Variants in PIEZO2 observed in about 807,000 individuals in gnomAD.
PIEZO2 encodes the protein piezo type mechanosensitive ion channel component 2.
PIEZO2 carries 172 observed loss-of-function variants against 337.3 expected under a neutral mutation model. The ratio of observed to expected loss-of-function variants is 0.51; its 90% CI spans 0.45 to 0.58. PIEZO2 has a LOEUF of 0.58. Among genes scored for constraint, PIEZO2 ranks in the 20% least tolerant of loss-of-function variants. The pLI is 0.00. For synonymous variants in PIEZO2, 1,251 were observed against 1,228.5 expected, an observed-to-expected ratio of 1.02 and a Z score of -0.38; for missense variants, 3,028 against 3,391.3, an observed-to-expected ratio of 0.89 and a Z score of 2.66.
chr18:11,117,109 C>A (rs546966477), intron 1 of PIEZO2, among the ~76,000 whole-genome samples: 4 of 152,072 alleles, frequency 2.6e-5, no homozygotes, highest in South Asian at 4.1e-4. Context: ...CTGTCCCCCC[C>A]ACAAAAAAAT....
At chr18:10,810,727 C>T (rs1172122943) in intron 7 of PIEZO2, among the ~76,000 whole-genome samples, 2 of 152,120 alleles carry the variant, frequency 1.3e-5, no homozygotes, top group African/African-American at 4.8e-5. Flanking sequence ...TTTCTGGAGT[C>T]CCCAAATCAA....
intron 4 of PIEZO2, among the ~76,000 whole-genome samples, chr18:10,891,145 G>A (rs574081342): frequency 1.3e-5 from 2 of 152,210 alleles, no homozygotes; most frequent in East Asian, 3.9e-4. Flanking sequence ...GCAACATGGT[G>A]AAACCCTGTC....
At chr18:11,060,688 C>G (rs1436249146) in intron 2 of PIEZO2, among the ~76,000 whole-genome samples, 1 of 152,076 alleles carries the variant, frequency 6.6e-6, no homozygotes, top group South Asian at 2.1e-4. Flanking sequence ...ACACATACAC[C>G]CTCCCAAGAC....
Position 10,789,331 on chromosome 18 carries a change from C to T in PIEZO2, c.1917G>A (p.Glu639=). 2.0e-6 allele frequency: 3 copies of T among 1,537,054 alleles called. No homozygotes were observed. Among genetic ancestry groups the T allele is most frequent in the Non-Finnish European group, 2.6e-6 (3 of 1,146,836 alleles). The part of the protein sequence containing the change: ...EELQDIQVEG[E]PKEEEEEEAK... ...CTTCCTCTTCTTCCTCCTCTTTGGG[C>T]TCTCCTTCCACTTGTATATCTTGAA... The change falls in exon 15 of 56, where the codon GAG becomes GAA. Residue 639 remains glutamate (E), a synonymous_variant. Transcript: ENST00000674853.
In PIEZO2 at chr18:10,673,150, C is replaced by A. The variant is rs2033853548; in HGVS notation, c.8162-277G>T. On this transcript the variant is annotated intron_variant, in intron 54 of 55. Coordinates refer to ENST00000674853, the MANE Select transcript of PIEZO2 (RefSeq NM_001378183.1). This position sits in a 1 kb window ranked among gnomAD's most constrained non-coding sequence, Gnocchi z 4.8. ...AAAAGTAGAGGATCCACCACCTGAG[C>A]AGCTGAGCTGATAATCCCAAATGAC... Among the ~76,000 whole-genome samples the A allele has an allele frequency of 6.6e-6, 1 of 152,170 alleles. No homozygotes were observed. The highest frequency in any genetic ancestry group is 2.4e-5 in the African/African-American group (1 of 41,436).
At chr18:10,675,711 C>T (rs556174382) in intron 53 of PIEZO2, among the ~76,000 whole-genome samples, 7 of 152,078 alleles carry the variant, frequency 4.6e-5, no homozygotes, top group Non-Finnish European at 2.9e-5. Flanking sequence ...GTGTCCCCAC[C>T]CAAATCTCAT....
intron 3 of PIEZO2, among the ~76,000 whole-genome samples, chr18:10,970,807 G>A (rs958922207): frequency 6.6e-6 from 1 of 151,976 alleles, no homozygotes; most frequent in African/African-American, 2.4e-5. Flanking sequence ...GCCCTATTAC[G>A]GGATGAGATA....
rs2033318723 is a variant in PIEZO2 at position 10,952,068 on chromosome 18, T to A, written c.286+27467A>T. Among the ~76,000 whole-genome samples the A allele has an allele frequency of 6.6e-6, 1 of 152,178 alleles. No individual in the cohort carries two copies. The highest frequency in any genetic ancestry group is 2.4e-5 in the African/African-American group (1 of 41,458). On this transcript the variant is annotated intron_variant, in intron 3 of 55. Coordinates refer to ENST00000674853, the MANE Select transcript of PIEZO2 (RefSeq NM_001378183.1). This position sits in a 1 kb window ranked among gnomAD's most constrained non-coding sequence, Gnocchi z 4.1. ...TAGCTCTTGGGGAAAGTCATCATGA[T>A]CTTGAGAACCTGTGGCTGCTTAGTG...
rs2038434104 is a variant in PIEZO2 at position 10,767,936 on chromosome 18, CCA to C, written c.2946+2210_2946+2211del. Among the ~76,000 whole-genome samples, 3 of 152,216 alleles carry C rather than the reference CCA, an allele frequency of 2.0e-5. No individual in the cohort carries two copies. The highest frequency in any genetic ancestry group is 7.2e-5 in the African/African-American group (3 of 41,464). ...CCAGTTGCCAGCCCAGAGCGTGAGG[CCA>C]TCATGGGATGGCACAGGCCAAGTCA... On this transcript the variant is annotated intron_variant, in intron 21 of 55. Transcript: ENST00000674853. This position sits in a 1 kb window ranked among gnomAD's most constrained non-coding sequence, Gnocchi z 4.2.
chr18:10,898,717 G>A (rs1367564613), intron 4 of PIEZO2, among the ~76,000 whole-genome samples: 2 of 152,182 alleles, frequency 1.3e-5, no homozygotes, highest in African/African-American at 2.4e-5. Flanking sequence ...CCTTCCCAGG[G>A]AAGGGAGGGT....
chr18:10,696,031 T>A (rs534050255), intron 47 of PIEZO2, 43 bp downstream of exon 47: 23 of 1,551,438 alleles, frequency 1.5e-5, no homozygotes, highest in East Asian at 4.5e-5. Context: ...GAAACACAGT[T>A]GCATGGAGGC....
intron 1 of PIEZO2, among the ~76,000 whole-genome samples, chr18:11,140,594 G>A (rs2040614671): frequency 6.6e-6 from 1 of 152,116 alleles, no homozygotes; most frequent in Non-Finnish European, 1.5e-5. Flanking sequence ...GTCTAGCTAA[G>A]GTCTAGAAAC....
At chr18:11,041,164 T>C (rs1225358661) in intron 2 of PIEZO2, among the ~76,000 whole-genome samples, 1 of 152,222 alleles carries the variant, frequency 6.6e-6, no homozygotes, top group Non-Finnish European at 1.5e-5. Context: ...AATTAAACTG[T>C]TCTCATCACT....
intron 3 of PIEZO2, among the ~76,000 whole-genome samples, chr18:10,916,029 C>T (rs1272794409): frequency 6.6e-6 from 1 of 151,742 alleles, no homozygotes; most frequent in African/African-American, 2.4e-5. Context: ...CTGATTGGTG[C>T]ATTTACAATC....
intron 1 of PIEZO2, among the ~76,000 whole-genome samples, chr18:11,124,484 C>T (rs1371577355): frequency 1.3e-5 from 2 of 152,172 alleles, no homozygotes; most frequent in Non-Finnish European, 2.9e-5. Flanking sequence ...TGCATTCATG[C>T]ACAAATCTCC....
At position 11,101,742 on chromosome 18, in the gene PIEZO2, T is replaced by G. The variant is rs2039426254; in HGVS notation, c.65-35520A>C. ...GGTCATTTTTCTCTTAGGTTATTGT[T>G]TTTTAAAAAATGCTAGATTGATAAA... On this transcript the variant is annotated intron_variant, in intron 1 of 55. Coordinates refer to ENST00000674853, the MANE Select transcript of PIEZO2 (RefSeq NM_001378183.1). This position sits in a 1 kb window ranked among gnomAD's most constrained non-coding sequence, Gnocchi z 4.4. Among the ~76,000 whole-genome samples, 1 of 152,178 alleles carries G rather than the reference T, an allele frequency of 6.6e-6. No homozygotes were observed. The highest frequency in any genetic ancestry group is 2.4e-5 in the African/African-American group (1 of 41,438).
Position 11,016,647 on chromosome 18 carries a change from C to G in PIEZO2, c.161-36987G>C, listed in dbSNP as rs2036125351. Among the ~76,000 whole-genome samples, 1 of 152,118 alleles carries G rather than the reference C, an allele frequency of 6.6e-6. No homozygotes were observed. The highest frequency in any genetic ancestry group is 2.4e-5 in the African/African-American group (1 of 41,424). On this transcript the variant is annotated intron_variant, in intron 2 of 55. Coordinates refer to ENST00000674853, the MANE Select transcript of PIEZO2 (RefSeq NM_001378183.1). The surrounding 1 kb of genome is among the most constrained non-coding windows in gnomAD (Gnocchi z 5.6). Reference sequence around the variant, plus strand: ...ATTCTGAATACAATCCTAGAAAAGGCAAAACCAAAAATGCACAAAACAGGT... The same window carrying G: ...ATTCTGAATACAATCCTAGAAAAGGGAAAACCAAAAATGCACAAAACAGGT...
chr18:11,133,658 C>T (rs1385057656), intron 1 of PIEZO2, among the ~76,000 whole-genome samples: 1 of 152,106 alleles, frequency 6.6e-6, no homozygotes, highest in African/African-American at 2.4e-5. Flanking sequence ...GTGCTGGATC[C>T]TTCCTGCCCT....
In PIEZO2 at chr18:11,033,743, C is replaced by T. The variant is rs1198055247; in HGVS notation, c.160+32384G>A. ...ATAAATATTGCTCTCAAAACAGTCG[C>T]TCTCGGAGGAAGTCAAAATTTGATT... On this transcript the variant is annotated intron_variant, in intron 2 of 55. Coordinates refer to ENST00000674853, the MANE Select transcript of PIEZO2 (RefSeq NM_001378183.1). This position sits in a 1 kb window ranked among gnomAD's most constrained non-coding sequence, Gnocchi z 4.2. Among the ~76,000 whole-genome samples the T allele has an allele frequency of 2.0e-5, 3 of 152,078 alleles. No homozygotes were observed.
Sources: allele counts gnomAD v4.1 joint callset (sites outside exome capture counted in the v4.1 genomes callset), GRCh38; gene constraint gnomAD v4.1.1; non-coding constraint Gnocchi (gnomAD v3.1); transcripts MANE v1.5; gene names NCBI Gene and HGNC (gene_info 2026-07-23, HGNC 2026-07-21).